Variants in CDH22 observed in about 807,000 individuals in gnomAD.
CDH22 encodes the protein cadherin-22.
A neutral mutation model predicts 58.4 loss-of-function variants in CDH22; 30 were observed. The ratio of observed to expected loss-of-function variants is 0.51; its 90% CI spans 0.38 to 0.70. The LOEUF (loss-of-function observed/expected upper bound fraction) is 0.70, where lower values mean the gene tolerates loss of function less well. Among genes scored for constraint, CDH22 ranks in the 30% least tolerant of loss-of-function variants. The pLI is 0.00. For synonymous variants in CDH22, 513 were observed against 558.2 expected, an observed-to-expected ratio of 0.92 and a Z score of 1.14; for missense variants, 1,014 against 1,233.9, an observed-to-expected ratio of 0.82 and a Z score of 2.67.
Position 46,291,263 on chromosome 20 carries a change from C to T in CDH22, c.-400+16992G>A, listed in dbSNP as rs924066722. ...CTGCACTCCAGCCTGGGAGACAGAG[C>T]GAGATTCCATCTCAAAAATAAATAA... On this transcript the variant is annotated intron_variant, in intron 1 of 11. Coordinates refer to ENST00000537909, the MANE Select transcript of CDH22 (RefSeq NM_021248.3). Among the ~76,000 whole-genome samples the T allele has an allele frequency of 1.1e-4, 17 of 152,014 alleles. No individual in the cohort carries two copies. The South Asian group carries it at 1.5e-3, about 13-fold the overall frequency.
chr20:46,273,476 G>A (rs186106899), intron 1 of CDH22, among the ~76,000 whole-genome samples: 24 of 152,304 alleles, frequency 1.6e-4, no homozygotes, highest in African/African-American at 5.3e-4. Flanking sequence ...CTTTAGCACA[G>A]TGCATGGCAC....
In CDH22 at chr20:46,177,948, A is replaced by C. The variant is rs1473773089; in HGVS notation, c.1913T>G (p.Val638Gly). Residue 638 changes from valine to glycine, a missense_variant and splice_region_variant, in exon 11 of 12, where the codon GTT (valine) becomes GGT (glycine). This residue lies in a region of CDH22 where 806 missense variants were observed against 1,038.7 expected (regional missense o/e 0.78). Coordinates refer to ENST00000537909, the MANE Select transcript of CDH22 (RefSeq NM_021248.3). Reference protein sequence around the residue: ...IALLVCVLILVVLVLLILTLR... With the variant: ...IALLVCVLILGVLVLLILTLR... ...TGGGTGGCTCTCGATGGACTCACCA[A>C]CCAGGATGAGAACGCAGACCAAGAG... 3 of 1,613,696 alleles carry C rather than the reference A, an allele frequency of 1.9e-6. No individual in the cohort carries two copies. In the South Asian group the frequency reaches 3.3e-5, roughly 18 times the overall value.
Position 46,241,512 on chromosome 20 carries a change from G to T in CDH22, c.256-255C>A, listed in dbSNP as rs151268414. Reference sequence around the variant, plus strand: ...GCATTCAGAGCTATCAGCCTTGGAGGCAGATCTGAACATGGCCTCCCTGCT... The same window carrying T: ...GCATTCAGAGCTATCAGCCTTGGAGTCAGATCTGAACATGGCCTCCCTGCT... On this transcript the variant is annotated intron_variant, in intron 2 of 11. Transcript: ENST00000537909. This position sits in a 1 kb window ranked among gnomAD's most constrained non-coding sequence, Gnocchi z 5.2. Among the ~76,000 whole-genome samples the T allele has an allele frequency of 6.6e-6, 1 of 152,288 alleles. No individual in the cohort carries two copies. Among genetic ancestry groups the T allele is most frequent in the East Asian group, 1.9e-4 (1 of 5,184 alleles).
At chr20:46,212,927 C>T in intron 6 of CDH22, 68 bp downstream of exon 6, 1 of 1,376,160 alleles carries the variant, frequency 7.3e-7, no homozygotes, top group Non-Finnish European at 1.0e-6. Flanking sequence ...TATTCGGCTG[C>T]CCAGAGGCCT....
At chr20:46,304,492 A>C (rs534260546) in intron 1 of CDH22, among the ~76,000 whole-genome samples, 30 of 152,280 alleles carry the variant, frequency 2.0e-4, no homozygotes, top group Non-Finnish European at 3.7e-4. Flanking sequence ...GGCTGGTTGG[A>C]CTCCAATGCC....
chr20:46,207,953 A>G (rs535145601), intron 7 of CDH22, among the ~76,000 whole-genome samples: 4 of 152,326 alleles, frequency 2.6e-5, no homozygotes, highest in Admixed American at 2.6e-4. Flanking sequence ...TAGGGCTGCC[A>G]TGTAAGGTTG....
intron 1 of CDH22, among the ~76,000 whole-genome samples, chr20:46,265,103 C>T (rs1469295275): frequency 1.3e-5 from 2 of 152,210 alleles, no homozygotes; most frequent in African/African-American, 2.4e-5. Flanking sequence ...GAAATTACAT[C>T]CCGAGCTGCT....
intron 2 of CDH22, among the ~76,000 whole-genome samples, chr20:46,246,670 C>G (rs2086331482): frequency 6.6e-6 from 1 of 152,070 alleles, no homozygotes; most frequent in Non-Finnish European, 1.5e-5. Context: ...CCCAGCGGTT[C>G]CTGTGGGTGC....
At chr20:46,229,182 T>C (rs1462849610) in intron 3 of CDH22, among the ~76,000 whole-genome samples, 1 of 152,122 alleles carries the variant, frequency 6.6e-6, no homozygotes, top group Non-Finnish European at 1.5e-5. Context: ...CAGGTGCCTC[T>C]TGCTGGACTG....
chr20:46,266,850 C>T (rs1485209322), intron 1 of CDH22, among the ~76,000 whole-genome samples: 1 of 151,652 alleles, frequency 6.6e-6, no homozygotes, highest in Admixed American at 6.6e-5. Flanking sequence ...CATTGCCAGG[C>T]CTCTGGAGCC....
chr20:46,301,113 C>T (rs2086649415), intron 1 of CDH22, among the ~76,000 whole-genome samples: 1 of 152,052 alleles, frequency 6.6e-6, no homozygotes, highest in African/African-American at 2.4e-5. Flanking sequence ...AGGATATGCA[C>T]TGAAATGGTA....
rs112137819 is a variant in CDH22 at position 46,242,949 on chromosome 20, G to A, written c.256-1692C>T. 4.0e-3 allele frequency among the ~76,000 whole-genome samples: 607 copies of A among 152,256 alleles called. 8 individuals are homozygous for A. Among genetic ancestry groups the A allele is most frequent in the African/African-American group, 0.014 (564 of 41,550 alleles). ...CTCTTGGGTGAGGAACCAGCAAGAC[G>A]TCTGTTTTCTTGCAATCAGAAACAC... On this transcript the variant is annotated intron_variant, in intron 2 of 11. Coordinates refer to ENST00000537909, the MANE Select transcript of CDH22 (RefSeq NM_021248.3).
At position 46,241,037 on chromosome 20, in the gene CDH22, T is replaced by G; in HGVS notation, c.476A>C (p.Gln159Pro). Residue 159 changes from glutamine to proline, a missense_variant, in exon 3 of 12, where the codon CAG becomes CCG. Physicochemically the swap from Gln to Pro is moderately conservative, Grantham distance 76. This residue lies in a region of CDH22 where 806 missense variants were observed against 1,038.7 expected (regional missense o/e 0.78). Transcript: ENST00000537909. The surrounding 1 kb of genome is among the most constrained non-coding windows in gnomAD (Gnocchi z 5.2). ...GCGGGGCTCACTGTCATTGATGTCC[T>G]GCACCTTGATGATGAACTCCGACTC... The part of the protein sequence containing the change: ...EPESEFIIKV[Q>P]DINDSEPRFL... 1 of 1,614,148 alleles carries G rather than the reference T, an allele frequency of 6.2e-7. No homozygotes were observed. Among genetic ancestry groups the G allele is most frequent in the Non-Finnish European group, 8.5e-7 (1 of 1,180,012 alleles).
chr20:46,236,542 TA>T (rs1225646133), intron 3 of CDH22, among the ~76,000 whole-genome samples: 1 of 140,260 alleles, frequency 7.1e-6, no homozygotes, highest in Non-Finnish European at 1.5e-5. Context: ...TATTTATATA[TA>T]AATATATAAA....
intron 1 of CDH22, among the ~76,000 whole-genome samples, chr20:46,262,167 T>C (rs538858894): frequency 6.4e-4 from 95 of 149,594 alleles, no homozygotes; most frequent in African/African-American, 2.2e-3. Flanking sequence ...GCACGTGTAG[T>C]GTTGGGACAG....
chr20:46,251,020 G>A lies in CDH22; in HGVS notation c.255+20C>T. 1.3e-6 allele frequency: 2 copies of A among 1,518,706 alleles called. No individual in the cohort carries two copies. Among genetic ancestry groups the A allele is most frequent in the Non-Finnish European group, 1.8e-6 (2 of 1,096,040 alleles). 94.1% of individuals were successfully genotyped at this position (1,518,706 alleles called of 1,614,324 possible). A position where few individuals can be genotyped will look rare whatever the true frequency, so the allele number is the denominator to read the frequency against. On this transcript the variant is annotated intron_variant, in intron 2 of 11. Transcript: ENST00000537909. This position sits in a 1 kb window ranked among gnomAD's most constrained non-coding sequence, Gnocchi z 6.7. ...CCCCAGGGTCCTGGGATCTGGAGTT[G>A]GAGTGGGGCCCCACTTTACCTTGCC...
intron 1 of CDH22, among the ~76,000 whole-genome samples, chr20:46,284,978 T>C (rs2086569565): frequency 6.6e-6 from 1 of 152,212 alleles, no homozygotes; most frequent in Non-Finnish European, 1.5e-5. Flanking sequence ...TCTCCATCTC[T>C]GCTCAGGCTT....
chr20:46,177,913 C>G, intron 11 of CDH22, 33 bp downstream of exon 11: 2 of 1,605,330 alleles, frequency 1.2e-6, no homozygotes, highest in South Asian at 2.2e-5. Flanking sequence ...TGGGGCCAAT[C>G]AGGCAGGGCT....
At chr20:46,180,110 A>C (rs957204811) in intron 10 of CDH22, among the ~76,000 whole-genome samples, 1 of 152,222 alleles carries the variant, frequency 6.6e-6, no homozygotes, top group African/African-American at 2.4e-5. Flanking sequence ...GTGTTAAGTT[A>C]GTGTGTGCCT....
Sources: allele counts gnomAD v4.1 joint callset (sites outside exome capture counted in the v4.1 genomes callset), GRCh38; gene constraint gnomAD v4.1.1; regional missense constraint gnomAD v4.1.1; non-coding constraint Gnocchi (gnomAD v3.1); transcripts MANE v1.5; gene names NCBI Gene and HGNC (gene_info 2026-07-23, HGNC 2026-07-21).